BCL2L1: variants seen among roughly 807,000 people sequenced by gnomAD.
BCL2L1 encodes BCL2 like 1, also known as bcl-2-like protein 1.
In BCL2L1, 1 loss-of-function variant was observed where a neutral mutation model predicts 18.7. The observed-to-expected ratio is 0.05, with a 90% CI of 0.02 to 0.25. The LOEUF (loss-of-function observed/expected upper bound fraction) is 0.25. Ranked by LOEUF, BCL2L1 falls within the 10% of genes least tolerant of loss-of-function variation. BCL2L1 has a pLI of 1.00. For synonymous variants in BCL2L1, 103 were observed against 122.7 expected (o/e 0.84, Z 1.06); for missense variants, 207 against 304.9 (o/e 0.68, Z 2.39).
At chr20:31,666,525 T>G (rs1191128683) in intron 2 of BCL2L1, among the ~76,000 whole-genome samples, 1 of 152,022 alleles carries the variant, frequency 6.6e-6, no homozygotes, top group Non-Finnish European at 1.5e-5. Context: ...CTGAGGGTAG[T>G]GTGGAGTGTG....
intron 2 of BCL2L1, among the ~76,000 whole-genome samples, chr20:31,696,830 T>C (rs956265636): frequency 6.6e-6 from 1 of 151,418 alleles, no homozygotes; most frequent in African/African-American, 2.4e-5. Context: ...CCGAGGCGGG[T>C]GGATCATCTG....
chr20:31,701,748 G>A (rs2122706404), intron 2 of BCL2L1, among the ~76,000 whole-genome samples: 1 of 152,358 alleles, frequency 6.6e-6, no homozygotes, highest in African/African-American at 2.4e-5. Context: ...GGCACTTAAT[G>A]AGCATTCAAA....
At chr20:31,690,943 A>G (rs1012657437) in intron 2 of BCL2L1, among the ~76,000 whole-genome samples, 1 of 151,766 alleles carries the variant, frequency 6.6e-6, no homozygotes, top group African/African-American at 2.4e-5. Flanking sequence ...GAGGTCAGGC[A>G]TTTGAGACCA....
At chr20:31,720,459 C>T (rs1404252898) in intron 2 of BCL2L1, 1 of 866,748 alleles carries the variant, frequency 1.2e-6, no homozygotes, top group Non-Finnish European at 1.4e-6. Flanking sequence ...TGCACCTCCG[C>T]TAGGTAGGGA....
At chr20:31,721,017 A>T in intron 2 of BCL2L1, 1 of 979,444 alleles carries the variant, frequency 1.0e-6, no homozygotes, top group Non-Finnish European at 1.2e-6. Context: ...TTTGGGGGAA[A>T]TGAACTTAGG....
chr20:31,702,732 G>A (rs1423665845), intron 2 of BCL2L1, among the ~76,000 whole-genome samples: 2 of 150,166 alleles, frequency 1.3e-5, no homozygotes, highest in Admixed American at 6.6e-5. Flanking sequence ...GGCTGGTCTC[G>A]AACCCCCAAC....
chr20:31,673,532 A>G (rs2060708770), intron 2 of BCL2L1, among the ~76,000 whole-genome samples: 1 of 151,492 alleles, frequency 6.6e-6, no homozygotes, highest in African/African-American at 2.4e-5. Context: ...GTATGCATCT[A>G]TGGTCTCAGC....
rs535178540 is a variant in BCL2L1 at position 31,715,779 on chromosome 20, G to GT, written c.564+5875dup. 1.2e-4 allele frequency among the ~76,000 whole-genome samples: 19 copies of GT among 152,240 alleles called. No individual in the cohort carries two copies. In the South Asian group the frequency reaches 3.9e-3, roughly 32 times the overall value. The stretch of plus-strand genomic sequence containing the variant: ...AAAAAGGAAATCTACACTAGTAAAG[G>GT]TATCTGTATTAGGAAGAGGGCTGCT... On this transcript the variant is annotated intron_variant, in intron 2 of 2. Transcript: ENST00000307677.
At chr20:31,723,776 T>C (rs1029851464), upstream of BCL2L1, 3 of 985,326 alleles carry the variant, frequency 3.0e-6, no homozygotes, top group Non-Finnish European at 3.6e-6. Flanking sequence ...TCCCCCTTCA[T>C]CGGCCCGGTA....
intron 2 of BCL2L1, 66 bp from the exon 3 acceptor site, chr20:31,666,152 G>C: frequency 6.3e-7 from 1 of 1,580,066 alleles, no homozygotes; most frequent in Non-Finnish European, 8.7e-7. Context: ...GGTGGGGAAA[G>C]GGGCCATCTG....
intron 2 of BCL2L1, chr20:31,721,405 G>A (rs1198612518): frequency 4.0e-6 from 2 of 494,190 alleles, no homozygotes; most frequent in South Asian, 3.6e-5. Context: ...TGAGAAACTG[G>A]AACACAAGTA....
intron 2 of BCL2L1, among the ~76,000 whole-genome samples, chr20:31,703,258 G>A (rs1212101054): frequency 6.6e-6 from 1 of 151,906 alleles, no homozygotes; most frequent in African/African-American, 2.4e-5. Context: ...TGGTCAGGCT[G>A]GTCTCGAACT....
chr20:31,715,816 T>G (rs1465720414), intron 2 of BCL2L1, among the ~76,000 whole-genome samples: 2 of 152,122 alleles, frequency 1.3e-5, no homozygotes, highest in African/African-American at 2.4e-5. Flanking sequence ...CAGACAAATT[T>G]TATTACCAGA....
chr20:31,669,184 T>C (rs552957989), intron 2 of BCL2L1, among the ~76,000 whole-genome samples: 90 of 152,008 alleles, frequency 5.9e-4, no homozygotes, highest in Non-Finnish European at 1.1e-3. Flanking sequence ...GCCTCCTGAG[T>C]AGCTGCCACA....
Position 31,721,715 on chromosome 20 carries a change from A to C in BCL2L1, c.504T>G (p.Ala168=), listed in dbSNP as rs769242031. 3 of 1,614,084 alleles carry C rather than the reference A, an allele frequency of 1.9e-6. No individual in the cohort carries two copies. The South Asian group carries it at 3.3e-5, about 18-fold the overall frequency. The change falls in exon 2 of 3, where the codon GCT becomes GCG. Residue 168 remains alanine, a synonymous_variant. Coordinates refer to ENST00000307677, the MANE Select transcript of BCL2L1 (RefSeq NM_138578.3). Reference sequence around the variant, plus strand: ...GGTCATTCAGGTAAGTGGCCATCCAAGCTGCGATCCGACTCACCAATACCT... The same window carrying C: ...GGTCATTCAGGTAAGTGGCCATCCACGCTGCGATCCGACTCACCAATACCT... ...EMQVLVSRIA[A]WMATYLNDHL...
At chr20:31,688,309 T>C (rs1266776123) in intron 2 of BCL2L1, among the ~76,000 whole-genome samples, 2 of 151,488 alleles carry the variant, frequency 1.3e-5, no homozygotes, top group Admixed American at 6.6e-5. Flanking sequence ...CCCAGCAAGG[T>C]GGTGGGCACC....
intron 2 of BCL2L1, chr20:31,720,111 CCTT>C: frequency 1.0e-5 from 10 of 985,432 alleles, no homozygotes; most frequent in Non-Finnish European, 1.2e-5. Flanking sequence ...GAACCCACCA[CCTT>C]TACCTCCCCT....
chr20:31,688,946 A>G lies in BCL2L1; in HGVS notation c.565-22860T>C, dbSNP rs190908628. Among the ~76,000 whole-genome samples the G allele has an allele frequency of 5.1e-4, 78 of 152,218 alleles. 1 individual carries two copies. The highest frequency in any genetic ancestry group is 1.9e-3 in the African/African-American group (77 of 41,556). On this transcript the variant is annotated intron_variant, in intron 2 of 2. Transcript: ENST00000307677. ...ACACCACTACTGTGTAATCAACCACACTAGGGTTGCTACCATCTCTGACCC... is the reference window on the plus strand; with the variant it reads ...ACACCACTACTGTGTAATCAACCACGCTAGGGTTGCTACCATCTCTGACCC...
In BCL2L1 at chr20:31,694,867, C is replaced by T. The variant is rs546287481; in HGVS notation, c.564+26788G>A. Among the ~76,000 whole-genome samples, 40 of 152,062 alleles carry T rather than the reference C, an allele frequency of 2.6e-4. No homozygotes were observed. The South Asian group carries it at 7.7e-3, about 29-fold the overall frequency. ...GGAGGATCACTTGAGCCCAGGAGTT[C>T]GAGACAAGCACAGGCAACATAGTGA... is the stretch of plus-strand genomic sequence containing the variant. On this transcript the variant is annotated intron_variant, in intron 2 of 2. Coordinates refer to ENST00000307677, the MANE Select transcript of BCL2L1 (RefSeq NM_138578.3).
Sources: gnomAD v4.1 joint callset for allele counts (sites outside exome capture counted in the v4.1 genomes callset) on GRCh38, gnomAD v4.1.1 for gene constraint, MANE v1.5 for transcripts, NCBI Gene and HGNC (gene_info 2026-07-23, HGNC 2026-07-21) for gene names.